Variants in ADGB observed in about 807,000 individuals in gnomAD.
ADGB encodes the protein calpain-7-like protein.
ADGB carries 172 observed loss-of-function variants against 210.5 expected under a neutral mutation model. That is an observed-to-expected ratio of 0.82 (90% confidence interval 0.72 to 0.93). The LOEUF is 0.93. Ranked by LOEUF, ADGB falls within the 40% of genes least tolerant of loss-of-function variation. The pLI, the probability that ADGB is intolerant of heterozygous loss-of-function variation, is 0.00. For missense variants in ADGB, 2,025 were observed against 1,964.8 expected (o/e 1.03, Z -0.58); for synonymous variants, 658 against 662.7 (o/e 0.99, Z 0.11).
At chr6:146,681,225 C>T (rs113254759) in intron 9 of ADGB, among the ~76,000 whole-genome samples, 4,834 of 152,180 alleles carry the variant, frequency 0.032, 232 homozygotes, top group African/African-American at 0.11. Context: ...GTCTTCATGA[C>T]AGTAAGTTCT....
chr6:146,653,606 G>A (rs1775735493), intron 3 of ADGB, among the ~76,000 whole-genome samples: 1 of 152,070 alleles, frequency 6.6e-6, no homozygotes, highest in South Asian at 2.1e-4. Context: ...AGGGTGGGAG[G>A]AGGGAGAGGA....
intron 5 of ADGB, 143 bp downstream of exon 5, chr6:146,657,123 G>T (rs969452302): frequency 4.2e-6 from 3 of 718,910 alleles, no homozygotes; most frequent in Non-Finnish European, 6.6e-6. Context: ...TCAGGAGTTC[G>T]CAACCAGCCT....
intron 3 of ADGB, among the ~76,000 whole-genome samples, chr6:146,649,534 A>G (rs958097096): frequency 6.6e-6 from 1 of 150,918 alleles, no homozygotes; most frequent in Admixed American, 6.6e-5. Flanking sequence ...ACTCTTGCCC[A>G]GGCTGGAGTT....
intron 2 of ADGB, among the ~76,000 whole-genome samples, chr6:146,636,906 A>G (rs1169134420): frequency 6.6e-6 from 1 of 152,034 alleles, no homozygotes; most frequent in African/African-American, 2.4e-5. Flanking sequence ...TTCCCTAGAC[A>G]TGAGGCTAGT....
At position 146,769,004 on chromosome 6, in the gene ADGB, G is replaced by A; in HGVS notation, c.3751-16G>A. 3 of 1,345,576 alleles carry A rather than the reference G, an allele frequency of 2.2e-6. No individual in the cohort carries two copies. Among genetic ancestry groups the A allele is most frequent in the East Asian group, 2.5e-5 (1 of 39,318 alleles). The allele number at this position is 1,345,576 out of a possible 1,614,324, so 83.4% of individuals were successfully genotyped here. ...TATGTTCTTATCATTTTTAAACACT[G>A]CATTTTATTTCACAGAATTACAAGT... On this transcript the variant is annotated splice_polypyrimidine_tract_variant and intron_variant, in intron 28 of 35. Coordinates refer to ENST00000397944, the MANE Select transcript of ADGB (RefSeq NM_024694.4).
At chr6:146,599,724 T>C (rs75461369) in intron 1 of ADGB, among the ~76,000 whole-genome samples, 2,401 of 152,320 alleles carry the variant, frequency 0.016, 74 homozygotes, top group African/African-American at 0.056. Context: ...GGGCTGGTGT[T>C]AGGTGTTGTG....
At chr6:146,624,171 G>A (rs1188252415) in intron 1 of ADGB, among the ~76,000 whole-genome samples, 2 of 151,826 alleles carry the variant, frequency 1.3e-5, no homozygotes, top group Admixed American at 1.3e-4. Flanking sequence ...TAAATATTTA[G>A]TATACTTAAC....
intron 1 of ADGB, among the ~76,000 whole-genome samples, chr6:146,611,152 G>A (rs1372327417): frequency 6.6e-6 from 1 of 151,950 alleles, no homozygotes; most frequent in African/African-American, 2.4e-5. Context: ...AGGGTCTTTT[G>A]GTGAATGAGC....
chr6:146,640,089 C>T (rs1775484881), intron 2 of ADGB, among the ~76,000 whole-genome samples: 2 of 151,814 alleles, frequency 1.3e-5, no homozygotes, highest in Admixed American at 1.3e-4. Flanking sequence ...TTACTATTGA[C>T]CCCACAGAAA....
intron 13 of ADGB, among the ~76,000 whole-genome samples, chr6:146,706,766 TGAGTC>T (rs937004212): frequency 2.0e-5 from 3 of 151,836 alleles, no homozygotes; most frequent in African/African-American, 7.2e-5. Flanking sequence ...TGATTTTGTT[TGAGTC>T]TTTTCTCCTT....
chr6:146,639,943 G>C (rs1775483139), intron 2 of ADGB, among the ~76,000 whole-genome samples: 1 of 151,806 alleles, frequency 6.6e-6, no homozygotes, highest in Non-Finnish European at 1.5e-5. Context: ...ATTGACACAT[G>C]AAAAACAATT....
At chr6:146,651,465 G>T (rs1006986734) in intron 3 of ADGB, among the ~76,000 whole-genome samples, 1 of 152,166 alleles carries the variant, frequency 6.6e-6, no homozygotes, top group African/African-American at 2.4e-5. Context: ...CCAGGCTTAT[G>T]CCCTTAAAAG....
At chr6:146,716,810 C>G (rs1156945742) in intron 14 of ADGB, 73 bp from the exon 15 acceptor site, 1 of 1,363,680 alleles carries the variant, frequency 7.3e-7, no homozygotes, top group Non-Finnish European at 9.8e-7. Flanking sequence ...TTAAGTTTCC[C>G]TTTATCATTT....
intron 31 of ADGB, 147 bp downstream of exon 31, chr6:146,784,941 T>C: frequency 1.2e-6 from 1 of 806,588 alleles, no homozygotes; most frequent in South Asian, 2.0e-5. Context: ...ATAACTACGT[T>C]AGGACCACCT....
At chr6:146,655,214 C>G (rs559429287) in intron 4 of ADGB, among the ~76,000 whole-genome samples, 1 of 152,206 alleles carries the variant, frequency 6.6e-6, no homozygotes, top group South Asian at 2.1e-4. Flanking sequence ...GGCTTTTCTC[C>G]TTGAGATCCA....
At chr6:146,687,215 T>C (rs1373590666) in intron 10 of ADGB, among the ~76,000 whole-genome samples, 2 of 152,076 alleles carry the variant, frequency 1.3e-5, no homozygotes, top group Non-Finnish European at 2.9e-5. Context: ...ACCAGCAACA[T>C]TCAACAATCT....
chr6:146,665,239 G>A (rs1039271170), intron 6 of ADGB, among the ~76,000 whole-genome samples: 5 of 151,992 alleles, frequency 3.3e-5, no homozygotes, highest in Non-Finnish European at 7.4e-5. Flanking sequence ...AGTCAGGCCT[G>A]CTTTGTGTGG....
At chr6:146,665,739 G>A (rs1775929682) in intron 6 of ADGB, among the ~76,000 whole-genome samples, 1 of 151,958 alleles carries the variant, frequency 6.6e-6, no homozygotes, top group Admixed American at 6.6e-5. Context: ...GGGAATTCTG[G>A]TGGAAAGTTT....
intron 5 of ADGB, 60 bp downstream of exon 5, chr6:146,657,040 C>A: frequency 7.0e-7 from 1 of 1,418,522 alleles, no homozygotes; most frequent in Non-Finnish European, 9.7e-7. Context: ...ATATACTTGT[C>A]CTGGCATGGT....
Sources: allele counts gnomAD v4.1 joint callset (sites outside exome capture counted in the v4.1 genomes callset), GRCh38; gene constraint gnomAD v4.1.1; transcripts MANE v1.5; gene names NCBI Gene and HGNC (gene_info 2026-07-23, HGNC 2026-07-21).